PRKN: variants seen among roughly 807,000 people sequenced by gnomAD.
PRKN encodes parkin RBR E3 ubiquitin protein ligase.
PRKN carries 56 observed loss-of-function variants against 59.5 expected under a neutral mutation model. The observed-to-expected ratio is 0.94, with a 90% CI of 0.76 to 1.18. The LOEUF (loss-of-function observed/expected upper bound fraction) is 1.18. Ranked by LOEUF, PRKN falls within the 50% of genes most tolerant of loss-of-function variation. The probability of loss-of-function intolerance (pLI) is 0.00; values close to 1 mark genes in which losing one functional copy is unlikely to be tolerated. For synonymous variants in PRKN, 250 were observed against 222.1 expected, an observed-to-expected ratio of 1.13 and a Z score of -1.12; for missense variants, 657 against 596.4, an observed-to-expected ratio of 1.10 and a Z score of -1.06.
At chr6:161,962,777 CA>C (rs1423321874) in intron 6 of PRKN, among the ~76,000 whole-genome samples, 1 of 151,810 alleles carries the variant, frequency 6.6e-6, no homozygotes, top group African/African-American at 2.4e-5. Flanking sequence ...CCTCGTGATC[CA>C]CCTGCTTCGG....
Position 162,015,157 on chromosome 6 carries a change from G to A in PRKN, c.618+38934C>T, listed in dbSNP as rs1025265915. ...ATTGTCAAGTGTTTCCTCTAGTGAA[G>A]TGGTGGGGAAGGTTTCTTTGACTGT... On this transcript the variant is annotated intron_variant, in intron 5 of 11. Transcript: ENST00000366898. Among the ~76,000 whole-genome samples, 3 of 152,276 alleles carry A rather than the reference G, an allele frequency of 2.0e-5. No homozygotes were observed. In the South Asian group the frequency reaches 6.2e-4, roughly 32 times the overall value.
intron 1 of PRKN, among the ~76,000 whole-genome samples, chr6:162,505,239 G>T (rs1562338899): frequency 6.7e-6 from 1 of 149,172 alleles, no homozygotes; most frequent in African/African-American, 2.5e-5. Context: ...CACGTACAAG[G>T]ATTTTTAATG....
At chr6:161,374,571 GTA>G (rs1785583365) in intron 10 of PRKN, among the ~76,000 whole-genome samples, 1 of 17,982 alleles carries the variant, frequency 5.6e-5, no homozygotes, top group Non-Finnish European at 1.2e-4. Flanking sequence ...TGTGGTGTGT[GTA>G]ATGGGTGTGT....
intron 1 of PRKN, among the ~76,000 whole-genome samples, chr6:162,644,191 C>T (rs1778074950): frequency 6.6e-6 from 1 of 152,120 alleles, no homozygotes; most frequent in Non-Finnish European, 1.5e-5. Context: ...GTTCCCAGGA[C>T]CCTGCCTGTG....
intron 2 of PRKN, among the ~76,000 whole-genome samples, chr6:162,285,258 T>C (rs1781128934): frequency 6.7e-6 from 1 of 148,742 alleles, no homozygotes; most frequent in South Asian, 2.2e-4. Flanking sequence ...TTCACAGATA[T>C]TTTGGAGATT....
intron 2 of PRKN, among the ~76,000 whole-genome samples, chr6:162,389,468 C>G (rs554361484): frequency 1.3e-5 from 2 of 152,074 alleles, no homozygotes; most frequent in African/African-American, 4.8e-5. Context: ...AATAAAAAAC[C>G]TTTGCATCTT....
rs144061564 is a variant in PRKN at position 162,075,501 on chromosome 6, C to T, written c.535-21327G>A. Among the ~76,000 whole-genome samples, 9 of 152,090 alleles carry T rather than the reference C, an allele frequency of 5.9e-5. No individual in the cohort carries two copies. The East Asian group carries it at 1.5e-3, about 26-fold the overall frequency. ...AGAAAGGGAAAGGTACAAATCACAT[C>T]GGATTATGGTTAAAATTATAAAAAG... On this transcript the variant is annotated intron_variant, in intron 4 of 11. Coordinates refer to ENST00000366898, the MANE Select transcript of PRKN (RefSeq NM_004562.3).
chr6:161,468,396 C>T lies in PRKN; in HGVS notation c.1083+80458G>A, dbSNP rs192315055. Among the ~76,000 whole-genome samples, 32 of 152,242 alleles carry T rather than the reference C, an allele frequency of 2.1e-4. No individual in the cohort carries two copies. The East Asian group carries it at 6.2e-3, about 29-fold the overall frequency. On this transcript the variant is annotated intron_variant, in intron 9 of 11. Coordinates refer to ENST00000366898, the MANE Select transcript of PRKN (RefSeq NM_004562.3). This position sits in a 1 kb window ranked among gnomAD's most constrained non-coding sequence, Gnocchi z 5.9. ...AAGAGGCAGTGGGTCTGGGAAAATA[C>T]TCAGCCTTGAAAAGTCAACCATAAT...
rs1474160119 is a variant in PRKN, at chr6:161,874,958, T to A, written c.735-89050A>T. Among the ~76,000 whole-genome samples the A allele has an allele frequency of 1.4e-4, 14 of 102,560 alleles. 2 individuals carry two copies. Among genetic ancestry groups the A allele is most frequent in the African/African-American group, 6.4e-4 (13 of 20,336 alleles). The allele number at this position is 102,560 out of a possible 152,430, so 67.3% of individuals were successfully genotyped here. On this transcript the variant is annotated intron_variant, in intron 6 of 11. Transcript: ENST00000366898. ...AATATAATATATTATAGGTACTTTATATATAATATATAATTTATTATATTA... is the reference window on the plus strand; with the variant it reads ...AATATAATATATTATAGGTACTTTAAATATAATATATAATTTATTATATTA...
intron 9 of PRKN, among the ~76,000 whole-genome samples, chr6:161,504,362 C>T (rs1277029471): frequency 3.3e-5 from 5 of 152,116 alleles, no homozygotes; most frequent in Admixed American, 6.5e-5. Flanking sequence ...CAACCCTGAG[C>T]GTCCGAGCAG....
chr6:162,579,608 C>G (rs1483705049), intron 1 of PRKN, among the ~76,000 whole-genome samples: 14 of 150,702 alleles, frequency 9.3e-5, no homozygotes, highest in Admixed American at 9.3e-4. Context: ...CAGATTCACA[C>G]ACACAGATAC....
chr6:161,678,216 C>CTTTTTTTTGTT (rs1785160085), intron 7 of PRKN, among the ~76,000 whole-genome samples: 1 of 64,940 alleles, frequency 1.5e-5, no homozygotes, highest in Non-Finnish European at 2.5e-5. Context: ...TACTGAATCA[C>CTTTTTTTTGTT]TTTTTTTTTT....
intron 6 of PRKN, among the ~76,000 whole-genome samples, chr6:161,909,123 G>C (rs546165093): frequency 6.6e-6 from 1 of 152,254 alleles, no homozygotes; most frequent in South Asian, 2.1e-4. Context: ...AACTAAATCC[G>C]CAGGATGCTC....
At chr6:161,627,780 G>A (rs1783147147) in intron 7 of PRKN, among the ~76,000 whole-genome samples, 1 of 152,210 alleles carries the variant, frequency 6.6e-6, no homozygotes, top group Admixed American at 6.5e-5. Flanking sequence ...GGGTGACTAG[G>A]ATAACTCTCA....
At chr6:162,568,363 TACTCCTGCCTCC>T in intron 1 of PRKN, 2 of 402,254 alleles carry the variant, frequency 5.0e-6, no homozygotes, top group Non-Finnish European at 9.2e-6. Context: ...CACTTGCCTC[TACTCCTGCCTCC>T]ACCATGTCCA....
intron 7 of PRKN, among the ~76,000 whole-genome samples, chr6:161,626,096 G>A (rs1315951417): frequency 1.3e-5 from 2 of 152,170 alleles, no homozygotes; most frequent in Non-Finnish European, 2.9e-5. Context: ...CAGAAGTTAA[G>A]ATCCTATATG....
chr6:161,673,469 G>C (rs752286212), intron 7 of PRKN, among the ~76,000 whole-genome samples: 1 of 152,200 alleles, frequency 6.6e-6, no homozygotes, highest in Non-Finnish European at 1.5e-5. Flanking sequence ...GGCTTGAAAG[G>C]ATGGCAGTGA....
At chr6:162,492,749 A>C (rs1324681646) in intron 1 of PRKN, among the ~76,000 whole-genome samples, 1 of 152,188 alleles carries the variant, frequency 6.6e-6, no homozygotes, top group Non-Finnish European at 1.5e-5. Flanking sequence ...CAGGAGATCC[A>C]GACCATACTG....
intron 1 of PRKN, among the ~76,000 whole-genome samples, chr6:162,648,012 G>C (rs1381870749): frequency 9.1e-6 from 1 of 110,082 alleles, no homozygotes; most frequent in Non-Finnish European, 1.8e-5. Flanking sequence ...TACTAGAAAA[G>C]TTCCTAAATA....
Sources: allele counts gnomAD v4.1 joint callset (sites outside exome capture counted in the v4.1 genomes callset), GRCh38; gene constraint gnomAD v4.1.1; non-coding constraint Gnocchi (gnomAD v3.1); transcripts MANE v1.5; gene names NCBI Gene and HGNC (gene_info 2026-07-23, HGNC 2026-07-21).